Variants in ARID4B observed in about 807,000 individuals in gnomAD.
ARID4B encodes AT-rich interaction domain 4B, also known as AT-rich interactive domain-containing protein 4B.
ARID4B carries 26 observed loss-of-function variants against 147.5 expected under a neutral mutation model. That is an observed-to-expected ratio of 0.18 (90% CI 0.13 to 0.24). The LOEUF (loss-of-function observed/expected upper bound fraction) is 0.24. Ranked by LOEUF, ARID4B falls within the 10% of genes least tolerant of loss-of-function variation. The pLI is 1.00. For missense variants in ARID4B, 1,179 were observed against 1,511.5 expected (o/e 0.78, Z 3.65); for synonymous variants, 512 against 507.9 (o/e 1.01, Z -0.11).
chr1:235,291,556 T>C (rs1672339112), intron 2 of ARID4B, among the ~76,000 whole-genome samples: 1 of 151,310 alleles, frequency 6.6e-6, no homozygotes, highest in Non-Finnish European at 1.5e-5. Flanking sequence ...CACACAAGGC[T>C]AGGCGTGGTG....
intron 8 of ARID4B, 46 bp from the exon 9 acceptor site, chr1:235,234,538 G>C (rs1356492087): frequency 7.7e-7 from 1 of 1,305,192 alleles, no homozygotes; most frequent in Non-Finnish European, 1.1e-6. Flanking sequence ...AGAACTCATA[G>C]ATAGGTAAGT....
In ARID4B at chr1:235,220,484, G is replaced by A. The variant is rs893551630; in HGVS notation, c.1225C>T (p.Pro409Ser). The stretch of plus-strand genomic sequence containing the variant: ...CATTGCTTGTTAACAACTTTCTCTG[G>A]CAATGCCATCTGAAATTCAATGTTG... ...SANIEFQMAL[P>S]EKVVNKQCKE... is the part of the protein sequence containing the mutation. Residue 409 changes from proline to serine, a missense_variant, in exon 15 of 24, where the codon CCA becomes TCA. Pro to Ser is a moderately conservative substitution (Grantham distance 74). This residue lies in a region of ARID4B where 204 missense variants were observed against 210.9 expected (regional missense o/e 0.97). Coordinates refer to ENST00000264183, the MANE Select transcript of ARID4B (RefSeq NM_016374.6). The A allele has an allele frequency of 6.2e-7, 1 of 1,611,052 alleles. No homozygotes were observed.
rs748183072 is a variant in ARID4B at position 235,172,619 on chromosome 1, TTCTC to T, written c.3806_3809del (p.Arg1269LysfsTer17). The T allele has an allele frequency of 6.5e-7, 1 of 1,541,320 alleles. No homozygotes were observed. Among genetic ancestry groups the T allele is most frequent in the Non-Finnish European group, 8.7e-7 (1 of 1,146,000 alleles). On this transcript the variant is annotated frameshift_variant and splice_region_variant, in exon 23 of 24. Coordinates refer to ENST00000264183, the MANE Select transcript of ARID4B (RefSeq NM_016374.6). LOFTEE classifies it high-confidence loss of function. The stretch of plus-strand genomic sequence containing the variant: ...TAAAAATAAAGTAAAAATACTTACT[TTCTC>T]TCTCTTTCTTCTTTAAACGCTTTCT...
intron 2 of ARID4B, among the ~76,000 whole-genome samples, chr1:235,287,759 T>C (rs563721960): frequency 1.2e-4 from 19 of 152,192 alleles, no homozygotes; most frequent in Non-Finnish European, 2.4e-4. Context: ...AGCATACAAA[T>C]TAATGCATGA....
chr1:235,294,703 G>A lies in ARID4B; in HGVS notation c.6+32211C>T, dbSNP rs552166243. Among the ~76,000 whole-genome samples the A allele has an allele frequency of 2.8e-3, 418 of 150,828 alleles. 2 individuals carry two copies. Among genetic ancestry groups the A allele is most frequent in the Middle Eastern group, 0.024 (7 of 294 alleles). ...GATTTTTTGTATTTTTAGTAGAGACGGGGTTTCACCATGTTGGCCAGGCTG... is the reference window on the plus strand; with the variant it reads ...GATTTTTTGTATTTTTAGTAGAGACAGGGTTTCACCATGTTGGCCAGGCTG... On this transcript the variant is annotated intron_variant, in intron 2 of 23. Transcript: ENST00000264183.
At chr1:235,170,933 A>C (rs955776016) in intron 23 of ARID4B, among the ~76,000 whole-genome samples, 2 of 148,694 alleles carry the variant, frequency 1.3e-5, no homozygotes, top group African/African-American at 5.0e-5. Context: ...AAAAAAAAAA[A>C]ACCACACACA....
intron 21 of ARID4B, 49 bp downstream of exon 21, chr1:235,177,751 T>C (rs1303582359): frequency 7.8e-7 from 1 of 1,288,502 alleles, no homozygotes; most frequent in East Asian, 2.4e-5. Context: ...GGGGGTAAAA[T>C]TATCAGCTAT....
At chr1:235,273,539 A>G (rs1313058582) in intron 2 of ARID4B, among the ~76,000 whole-genome samples, 1 of 152,240 alleles carries the variant, frequency 6.6e-6, no homozygotes, top group East Asian at 1.9e-4. Context: ...CCATCAATTG[A>G]CTGCTAAATG....
intron 17 of ARID4B, among the ~76,000 whole-genome samples, chr1:235,204,317 G>A (rs1054838991): frequency 3.3e-5 from 5 of 152,058 alleles, no homozygotes; most frequent in African/African-American, 9.7e-5. Flanking sequence ...GCGAAACTCC[G>A]CTTCAAAATA....
At chr1:235,256,028 G>A (rs1455518710) in intron 4 of ARID4B, among the ~76,000 whole-genome samples, 2 of 151,828 alleles carry the variant, frequency 1.3e-5, no homozygotes, top group Admixed American at 1.3e-4. Flanking sequence ...ACAAAAATTG[G>A]GCAGGCGTGG....
At chr1:235,314,537 T>C (rs1264870675) in intron 2 of ARID4B, among the ~76,000 whole-genome samples, 3 of 152,184 alleles carry the variant, frequency 2.0e-5, no homozygotes, top group Admixed American at 6.5e-5. Flanking sequence ...GAAGCTACAA[T>C]GTTTACTGGG....
intron 2 of ARID4B, among the ~76,000 whole-genome samples, chr1:235,269,904 C>T (rs1670863449): frequency 6.6e-6 from 1 of 151,968 alleles, no homozygotes; most frequent in Non-Finnish European, 1.5e-5. Flanking sequence ...ATATTATTTA[C>T]CCATCTTTCT....
At position 235,258,801 on chromosome 1, in the gene ARID4B, C is replaced by G. The variant is rs999676021; in HGVS notation, c.118-1576G>C. On this transcript the variant is annotated intron_variant, in intron 3 of 23. Transcript: ENST00000264183. The stretch of plus-strand genomic sequence containing the variant: ...TTATTTAAATCACATGTTTAGATAT[C>G]TGTGCCCTTCACTTAAACTATAAGC... 1.1e-4 allele frequency among the ~76,000 whole-genome samples: 16 copies of G among 152,350 alleles called. No homozygotes were observed. The Middle Eastern group carries it at 0.01, about 97-fold the overall frequency.
chr1:235,213,321 G>C (rs955642011), intron 17 of ARID4B, among the ~76,000 whole-genome samples: 2 of 152,158 alleles, frequency 1.3e-5, no homozygotes, highest in African/African-American at 4.8e-5. Context: ...TTAATAAGGA[G>C]ATAAGGCTTT....
intron 3 of ARID4B, among the ~76,000 whole-genome samples, chr1:235,260,033 T>C (rs1397910118): frequency 1.3e-5 from 2 of 152,226 alleles, no homozygotes; most frequent in Non-Finnish European, 2.9e-5. Context: ...AGTTCACTTG[T>C]CTGGTATTTT....
At chr1:235,196,242 C>T (rs950016484) in intron 17 of ARID4B, 127 bp from the exon 18 acceptor site, 4 of 470,840 alleles carry the variant, frequency 8.5e-6, no homozygotes, top group Non-Finnish European at 1.5e-5. Context: ...GAAATCATCT[C>T]AGCTTCCTGG....
chr1:235,247,069 A>C (rs1669345407), intron 6 of ARID4B, among the ~76,000 whole-genome samples: 1 of 152,152 alleles, frequency 6.6e-6, no homozygotes, highest in Non-Finnish European at 1.5e-5. Context: ...TAATTTTTTA[A>C]ATTACATTTA....
At chr1:235,203,168 A>G (rs1277985638) in intron 17 of ARID4B, among the ~76,000 whole-genome samples, 2 of 152,246 alleles carry the variant, frequency 1.3e-5, no homozygotes, top group Non-Finnish European at 2.9e-5. Flanking sequence ...AGACCACAGC[A>G]TACTTGCTCT....
chr1:235,199,974 T>C (rs1164972236), intron 17 of ARID4B, among the ~76,000 whole-genome samples: 1 of 151,738 alleles, frequency 6.6e-6, no homozygotes, highest in Non-Finnish European at 1.5e-5. Context: ...TCCTTCTATT[T>C]TCTCTACAGG....
Sources: gnomAD v4.1 joint callset for allele counts (sites outside exome capture counted in the v4.1 genomes callset) on GRCh38, gnomAD v4.1.1 for gene constraint, gnomAD v4.1.1 regional missense constraint, MANE v1.5 for transcripts, NCBI Gene and HGNC (gene_info 2026-07-23, HGNC 2026-07-21) for gene names.